ZNF827: variants seen among roughly 807,000 people sequenced by gnomAD.
The protein encoded by ZNF827 is zinc finger protein 827.
In ZNF827, 13 loss-of-function variants were observed where a neutral mutation model predicts 102.4. That is an observed-to-expected ratio of 0.13 (90% CI 0.08 to 0.20). The LOEUF is 0.20. Among genes scored for constraint, ZNF827 ranks in the 10% least tolerant of loss-of-function variants. The pLI is 1.00. For synonymous variants in ZNF827, 523 were observed against 536.2 expected, an observed-to-expected ratio of 0.98 and a Z score of 0.34; for missense variants, 1,103 against 1,344.4, an observed-to-expected ratio of 0.82 and a Z score of 2.81.
intron 7 of ZNF827, among the ~76,000 whole-genome samples, chr4:145,837,930 C>T (rs1411609464): frequency 6.6e-6 from 1 of 152,120 alleles, no homozygotes; most frequent in Non-Finnish European, 1.5e-5. Context: ...CCCCTAATCC[C>T]GCTTGAAGCA....
intron 8 of ZNF827, among the ~76,000 whole-genome samples, chr4:145,804,169 A>T (rs997658841): frequency 6.6e-6 from 1 of 152,200 alleles, no homozygotes; most frequent in Non-Finnish European, 1.5e-5. Context: ...GTGAAAATTG[A>T]TGTAATCCAA....
chr4:145,870,652 G>A (rs1426604975), intron 4 of ZNF827, 174 bp from the exon 5 acceptor site: 1 of 581,594 alleles, frequency 1.7e-6, no homozygotes, highest in African/African-American at 1.9e-5. Context: ...ACACTCCATG[G>A]GCCTACAACT....
intron 4 of ZNF827, among the ~76,000 whole-genome samples, chr4:145,884,077 G>A: frequency 6.6e-6 from 1 of 152,222 alleles, no homozygotes; most frequent in African/African-American, 2.4e-5. Context: ...ATGAGGAGCA[G>A]AGAAGCCAGT....
At chr4:145,878,505 C>A (rs1056299405) in intron 4 of ZNF827, among the ~76,000 whole-genome samples, 1 of 150,638 alleles carries the variant, frequency 6.6e-6, no homozygotes, top group East Asian at 2.0e-4. Context: ...GTCAGGAGTT[C>A]GAGACCAGCC....
chr4:145,896,254 C>T (rs1484138361), intron 2 of ZNF827, among the ~76,000 whole-genome samples: 4 of 152,196 alleles, frequency 2.6e-5, no homozygotes, highest in Non-Finnish European at 4.4e-5. Context: ...ACTAACATCA[C>T]ATAATAAATA....
chr4:145,914,281 TA>T (rs1752515761), intron 1 of ZNF827, among the ~76,000 whole-genome samples: 1 of 152,212 alleles, frequency 6.6e-6, no homozygotes, highest in South Asian at 2.1e-4. Flanking sequence ...ATTTAGTGCT[TA>T]AATACGTATA....
intron 11 of ZNF827, among the ~76,000 whole-genome samples, chr4:145,769,087 G>A (rs1028792401): frequency 6.0e-5 from 9 of 151,202 alleles, no homozygotes; most frequent in African/African-American, 2.2e-4. Context: ...CACTTACAAT[G>A]TTTTCAAATC....
chr4:145,816,627 G>T (rs1279789973), intron 8 of ZNF827, among the ~76,000 whole-genome samples: 1 of 152,170 alleles, frequency 6.6e-6, no homozygotes, highest in Non-Finnish European at 1.5e-5. Flanking sequence ...GACCAAACTA[G>T]GCTGGTGGGG....
chr4:145,796,896 G>A (rs1740442703), intron 8 of ZNF827, among the ~76,000 whole-genome samples: 1 of 152,164 alleles, frequency 6.6e-6, no homozygotes, highest in South Asian at 2.1e-4. Context: ...CTCCCAAAAT[G>A]CTGGGATTAC....
At chr4:145,801,282 G>T (rs1007165017) in intron 8 of ZNF827, among the ~76,000 whole-genome samples, 3 of 152,158 alleles carry the variant, frequency 2.0e-5, no homozygotes, top group Non-Finnish European at 4.4e-5. Context: ...GTTAGCAGTT[G>T]TATGTTGCTA....
intron 8 of ZNF827, among the ~76,000 whole-genome samples, chr4:145,817,968 C>T (rs939349796): frequency 6.6e-6 from 1 of 152,066 alleles, no homozygotes; most frequent in Middle Eastern, 3.4e-3. Context: ...AGAAATGTTC[C>T]AAGTGACTAT....
At chr4:145,768,258 G>C (rs775059941) in intron 11 of ZNF827, among the ~76,000 whole-genome samples, 3 of 152,076 alleles carry the variant, frequency 2.0e-5, no homozygotes, top group African/African-American at 7.2e-5. Flanking sequence ...TCCACCTCCC[G>C]GGTTCAAGCA....
chr4:145,922,722 T>C (rs1753160902), intron 1 of ZNF827, among the ~76,000 whole-genome samples: 1 of 152,248 alleles, frequency 6.6e-6, no homozygotes, highest in Non-Finnish European at 1.5e-5. Context: ...AACTAGCCAA[T>C]TTTTCCTTGA....
chr4:145,820,800 C>T (rs1363290283), intron 8 of ZNF827, among the ~76,000 whole-genome samples: 1 of 152,162 alleles, frequency 6.6e-6, no homozygotes, highest in Non-Finnish European at 1.5e-5. Context: ...CACTAATCTG[C>T]TGCCGGATTG....
chr4:145,765,005 G>A lies in ZNF827; in HGVS notation c.3213C>T (p.Val1071=). The change falls in exon 13 of 15, where the codon GTC becomes GTT. Residue 1071 remains valine, a synonymous_variant. Transcript: ENST00000508784. The surrounding 1 kb of genome is among the most constrained non-coding windows in gnomAD (Gnocchi z 4.7). The part of the protein sequence containing the change: ...QLLEHKKCHT[V]PTGGLNSGQW ...TTCCTTACTTGAGCCCACCGGTGGG[G>A]ACAGTGTGGCATTTCTTATGCTCCA... 6.2e-7 allele frequency: 1 copy of A among 1,613,714 alleles called. No individual in the cohort carries two copies.
chr4:145,785,336 G>T (rs567771502), intron 8 of ZNF827, among the ~76,000 whole-genome samples: 5 of 152,312 alleles, frequency 3.3e-5, no homozygotes, highest in African/African-American at 9.6e-5. Context: ...GTCCTGGGAA[G>T]ATGAAACCCA....
chr4:145,794,588 G>C (rs1740177249), intron 8 of ZNF827, among the ~76,000 whole-genome samples: 1 of 151,778 alleles, frequency 6.6e-6, no homozygotes. Flanking sequence ...TCAGAAAGCT[G>C]AGGCTGGGCG....
At chr4:145,883,641 G>C (rs1003633175) in intron 4 of ZNF827, among the ~76,000 whole-genome samples, 1 of 152,200 alleles carries the variant, frequency 6.6e-6, no homozygotes, top group African/African-American at 2.4e-5. Context: ...AACCTTCCCT[G>C]TTCTCGCTCA....
chr4:145,846,302 C>CA (rs1745930026), intron 6 of ZNF827, among the ~76,000 whole-genome samples: 1 of 151,666 alleles, frequency 6.6e-6, no homozygotes, highest in African/African-American at 2.4e-5. Context: ...CACAGTGAAA[C>CA]ACCGTCTCTA....
Sources: gnomAD v4.1 joint callset for allele counts (sites outside exome capture counted in the v4.1 genomes callset) on GRCh38, gnomAD v4.1.1 for gene constraint, Gnocchi (gnomAD v3.1) non-coding constraint, MANE v1.5 for transcripts, NCBI Gene and HGNC (gene_info 2026-07-23, HGNC 2026-07-21) for gene names.